The following ZNF407 variants were observed in gnomAD, a reference collection of about 807,000 sequenced individuals.
ZNF407 encodes zinc finger protein 407.
A neutral mutation model predicts 131.2 loss-of-function variants in ZNF407; 17 were observed. That is an observed-to-expected ratio of 0.13 (90% CI 0.09 to 0.19). The LOEUF (loss-of-function observed/expected upper bound fraction) is 0.19, where lower values mean the gene tolerates loss of function less well. ZNF407 is among the 10% of genes least tolerant of loss of function. The pLI is 1.00. For synonymous variants in ZNF407, 1,156 were observed against 1,062.0 expected, an observed-to-expected ratio of 1.09 and a Z score of -1.72; for missense variants, 2,681 against 2,830.6, an observed-to-expected ratio of 0.95 and a Z score of 1.20.
chr18:74,888,487 G>A (rs527372688), intron 6 of ZNF407, among the ~76,000 whole-genome samples: 1 of 151,834 alleles, frequency 6.6e-6, no homozygotes, highest in Non-Finnish European at 1.5e-5. Flanking sequence ...TTGAAATTTG[G>A]TATTTTACAA....
In ZNF407 at chr18:75,048,451, G is replaced by A. The variant is rs755589591; in HGVS notation, c.5429-14699G>A. On this transcript the variant is annotated intron_variant, in intron 8 of 8. Transcript: ENST00000299687. This position sits in a 1 kb window ranked among gnomAD's most constrained non-coding sequence, Gnocchi z 4.1. ...GCTCCTTTGCTCAGCTTGGTTCTCA[G>A]CCTCCCACGCAGCACCCAGGTGACT... Among the ~76,000 whole-genome samples, 1 of 152,052 alleles carries A rather than the reference G, an allele frequency of 6.6e-6. No homozygotes were observed. Among genetic ancestry groups the A allele is most frequent in the Non-Finnish European group, 1.5e-5 (1 of 68,020 alleles).
At chr18:74,860,445 G>C (rs1970921784) in intron 4 of ZNF407, among the ~76,000 whole-genome samples, 1 of 150,884 alleles carries the variant, frequency 6.6e-6, no homozygotes, top group Non-Finnish European at 1.5e-5. Context: ...GTTTGACCCA[G>C]AATAATTTGT....
At chr18:74,692,639 C>G (rs1168676992) in intron 3 of ZNF407, among the ~76,000 whole-genome samples, 1 of 152,116 alleles carries the variant, frequency 6.6e-6, no homozygotes, top group Non-Finnish European at 1.5e-5. Context: ...TCTCCCCTAG[C>G]GGTAGCTGAT....
intron 4 of ZNF407, among the ~76,000 whole-genome samples, chr18:74,821,527 T>A (rs1053760914): frequency 5.3e-5 from 8 of 152,098 alleles, no homozygotes; most frequent in Non-Finnish European, 7.4e-5. Context: ...GCTGTTTGGT[T>A]TTCTGTTCTT....
intron 8 of ZNF407, among the ~76,000 whole-genome samples, chr18:75,058,425 C>G (rs1480392820): frequency 1.3e-5 from 2 of 152,340 alleles, no homozygotes; most frequent in Admixed American, 1.3e-4. Flanking sequence ...CACGAGGCTG[C>G]ATTTTAATGT....
intron 3 of ZNF407, among the ~76,000 whole-genome samples, chr18:74,669,943 T>C (rs1986077358): frequency 6.6e-6 from 1 of 152,250 alleles, no homozygotes; most frequent in African/African-American, 2.4e-5. Context: ...CCCTGTCCTT[T>C]TTCCTCAACC....
intron 3 of ZNF407, among the ~76,000 whole-genome samples, chr18:74,762,573 A>G (rs1969120320): frequency 6.6e-6 from 1 of 152,080 alleles, no homozygotes; most frequent in African/African-American, 2.4e-5. Flanking sequence ...TTTCCATTGT[A>G]ATCCATCCTT....
chr18:74,663,638 T>G (rs1347654068), intron 3 of ZNF407, among the ~76,000 whole-genome samples: 1 of 152,152 alleles, frequency 6.6e-6, no homozygotes, highest in Non-Finnish European at 1.5e-5. Context: ...GCCTGCTGCA[T>G]TTTGCTGTGT....
In ZNF407 at chr18:74,633,562, T is replaced by A; in HGVS notation, c.2543T>A (p.Ile848Asn). ...AAGAGAGGGAGACCTAAAGGTAACATCTCACGGACGTGTTCACACTGTGGC... is the reference window on the plus strand; with the variant it reads ...AAGAGAGGGAGACCTAAAGGTAACAACTCACGGACGTGTTCACACTGTGGC... Reference protein sequence around the residue: ...TPKRGRPKGNISRTCSHCGLL... With the variant: ...TPKRGRPKGNNSRTCSHCGLL... The change falls in exon 2 of 9, where the codon ATC becomes AAC. Residue 848 changes from isoleucine (I) to asparagine (N), a missense_variant. Transcript: ENST00000299687. The A allele has an allele frequency of 6.2e-7, 1 of 1,614,012 alleles. No homozygotes were observed. Among genetic ancestry groups the A allele is most frequent in the Non-Finnish European group, 8.5e-7 (1 of 1,179,888 alleles).
In ZNF407 at chr18:74,870,307, A is replaced by C. The variant is rs1971069090; in HGVS notation, c.4878-6890A>C. 3.3e-5 allele frequency among the ~76,000 whole-genome samples: 5 copies of C among 152,200 alleles called. No individual in the cohort carries two copies. In the South Asian group the frequency reaches 8.3e-4, roughly 25 times the overall value. On this transcript the variant is annotated intron_variant, in intron 4 of 8. Transcript: ENST00000299687. ...GGTTAATTTTCTTTTCCAACTAGTT[A>C]ACAAGGATCTAGCCTGTTAATTAGG...
chr18:74,607,000 A>G (rs562664025), intron 1 of ZNF407, among the ~76,000 whole-genome samples: 18 of 152,288 alleles, frequency 1.2e-4, no homozygotes, highest in African/African-American at 3.9e-4. Context: ...AGAGGGAATG[A>G]GGATTGTGGC....
In ZNF407 at chr18:74,635,799, T is replaced by C. The variant is rs1299400309; in HGVS notation, c.4687+93T>C. ...GCCCTACCTGTGGCTGCTCATTGGCTTTCCACCCGGTTCACATTTCACTGC... is the reference window on the plus strand; with the variant it reads ...GCCCTACCTGTGGCTGCTCATTGGCCTTCCACCCGGTTCACATTTCACTGC... On this transcript the variant is annotated intron_variant, in intron 2 of 8. Coordinates refer to ENST00000299687, the MANE Select transcript of ZNF407 (RefSeq NM_017757.3). The surrounding 1 kb of genome is among the most constrained non-coding windows in gnomAD (Gnocchi z 4.7). 6.7e-7 allele frequency: 1 copy of C among 1,488,780 alleles called. No homozygotes were observed. Among genetic ancestry groups the C allele is most frequent in the Non-Finnish European group, 9.0e-7 (1 of 1,116,156 alleles). 92.2% of individuals were successfully genotyped at this position (1,488,780 alleles called of 1,614,324 possible).
chr18:74,890,238 T>C (rs1971365657), intron 7 of ZNF407, among the ~76,000 whole-genome samples, 200 bp downstream of exon 7: 1 of 152,188 alleles, frequency 6.6e-6, no homozygotes, highest in Non-Finnish European at 1.5e-5. Flanking sequence ...ATTGAGAGGA[T>C]GGTAGAGAAA....
At position 74,921,228 on chromosome 18, in the gene ZNF407, G is replaced by A. The variant is rs372138362; in HGVS notation, c.5428+536G>A. Among the ~76,000 whole-genome samples the A allele has an allele frequency of 9.9e-5, 15 of 152,246 alleles. 1 individual carries two copies. The highest frequency in any genetic ancestry group is 3.1e-4 in the African/African-American group (13 of 41,556). The stretch of plus-strand genomic sequence containing the variant: ...TTGGGGAAGAGCTGGTGATGGGAGC[G>A]GCTGCTAAGAGGATTCTTGCCTCTT... On this transcript the variant is annotated intron_variant, in intron 8 of 8. Coordinates refer to ENST00000299687, the MANE Select transcript of ZNF407 (RefSeq NM_017757.3).
intron 4 of ZNF407, among the ~76,000 whole-genome samples, chr18:74,788,389 G>T (rs980210161): frequency 1.3e-5 from 2 of 152,118 alleles, no homozygotes; most frequent in African/African-American, 4.8e-5. Flanking sequence ...TTGCTCTGTT[G>T]TAGGAAACTG....
At chr18:74,907,672 A>G (rs1441916722) in intron 7 of ZNF407, among the ~76,000 whole-genome samples, 2 of 152,194 alleles carry the variant, frequency 1.3e-5, no homozygotes, top group Admixed American at 1.3e-4. Flanking sequence ...CTGTACATTT[A>G]CAACCCGTTT....
intron 3 of ZNF407, among the ~76,000 whole-genome samples, chr18:74,766,728 G>T (rs1248328222): frequency 6.6e-6 from 1 of 152,144 alleles, no homozygotes; most frequent in African/African-American, 2.4e-5. Context: ...TACCAAAAGG[G>T]AATACACTAG....
intron 8 of ZNF407, among the ~76,000 whole-genome samples, chr18:75,032,419 C>T (rs1973251998): frequency 1.3e-5 from 2 of 152,200 alleles, no homozygotes. Context: ...CACTTTGACT[C>T]TCCACAGACC....
chr18:74,717,832 G>A (rs1967931549), intron 3 of ZNF407, among the ~76,000 whole-genome samples: 1 of 152,224 alleles, frequency 6.6e-6, no homozygotes, highest in African/African-American at 2.4e-5. Context: ...CTGAAATTTG[G>A]AATGCTCCAA....
Sources: gnomAD v4.1 joint callset for allele counts (sites outside exome capture counted in the v4.1 genomes callset) on GRCh38, gnomAD v4.1.1 for gene constraint, Gnocchi (gnomAD v3.1) non-coding constraint, MANE v1.5 for transcripts, NCBI Gene and HGNC (gene_info 2026-07-23, HGNC 2026-07-21) for gene names.